The following TRIM16 variants were observed in gnomAD, a reference collection of about 807,000 sequenced individuals.
The protein encoded by TRIM16 is tripartite motif-containing protein 16.
TRIM16 carries 33 observed loss-of-function variants against 50.4 expected under a neutral mutation model. The ratio of observed to expected loss-of-function variants is 0.65; its 90% CI spans 0.50 to 0.88. The LOEUF (loss-of-function observed/expected upper bound fraction) is 0.88, where lower values mean the gene tolerates loss of function less well. Among genes scored for constraint, TRIM16 ranks in the 40% least tolerant of loss-of-function variants. The pLI is 0.00. For synonymous variants in TRIM16, 229 were observed against 270.7 expected (o/e 0.85, Z 1.51); for missense variants, 581 against 686.8 (o/e 0.85, Z 1.72).
intron 6 of TRIM16, among the ~76,000 whole-genome samples, chr17:15,658,144 G>A (rs1485936078): frequency 6.6e-6 from 1 of 152,170 alleles, no homozygotes; most frequent in Non-Finnish European, 1.5e-5. Context: ...CTTTCATCCT[G>A]TTGAGTCTTG....
chr17:15,670,208 A>G (rs190950305), intron 6 of TRIM16, among the ~76,000 whole-genome samples: 230 of 152,300 alleles, frequency 1.5e-3, no homozygotes, highest in Non-Finnish European at 2.9e-3. Context: ...ACCCATTTTC[A>G]TCCAGTAAAT....
chr17:15,635,235 G>T (rs1986672859), intron 9 of TRIM16, among the ~76,000 whole-genome samples: 1 of 147,132 alleles, frequency 6.8e-6, no homozygotes, highest in African/African-American at 2.5e-5. Context: ...TGGGCTTGTT[G>T]ATAAATGAGA....
intron 6 of TRIM16, among the ~76,000 whole-genome samples, chr17:15,655,076 T>C (rs1597641005): frequency 6.6e-6 from 1 of 152,184 alleles, no homozygotes; most frequent in African/African-American, 2.4e-5. Flanking sequence ...TTTAATTTCA[T>C]GGTTTTCATG....
chr17:15,649,081 G>A (rs78206294), intron 7 of TRIM16, among the ~76,000 whole-genome samples: 1 of 152,100 alleles, frequency 6.6e-6, no homozygotes, highest in Non-Finnish European at 1.5e-5. Context: ...GCTTGGAATT[G>A]CAATTACCCC....
chr17:15,643,253 C>T (rs1987199263), intron 7 of TRIM16: 1 of 138,898 alleles, frequency 7.2e-6, no homozygotes, highest in Non-Finnish European at 1.4e-5. Context: ...TAACTTCCTC[C>T]CTTTTGGAAT....
At chr17:15,641,059 C>G (rs1170352139) in intron 8 of TRIM16, among the ~76,000 whole-genome samples, 1 of 148,352 alleles carries the variant, frequency 6.7e-6, no homozygotes, top group Non-Finnish European at 1.5e-5. Flanking sequence ...CCCCCGGCCC[C>G]AACTGAGGCC....
At chr17:15,659,533 T>C (rs1988127311) in intron 6 of TRIM16, among the ~76,000 whole-genome samples, 1 of 152,248 alleles carries the variant, frequency 6.6e-6, no homozygotes, top group Non-Finnish European at 1.5e-5. Context: ...AACTATGCTT[T>C]GTTGAATCTC....
Position 15,682,947 on chromosome 17 carries a change from G to A in TRIM16, c.-772C>T. On this transcript the variant is annotated 5_prime_UTR_variant, in exon 3 of 12. Coordinates refer to ENST00000649191, the MANE Select transcript of TRIM16 (RefSeq NM_001348119.1). Reference sequence around the variant, plus strand: ...TGTGCTGCCCACACACATTTTACAAGGTTGCTGTAAAGAAAAACTAAAATG... The same window carrying A: ...TGTGCTGCCCACACACATTTTACAAAGTTGCTGTAAAGAAAAACTAAAATG... The A allele has an allele frequency of 1.3e-6, 2 of 1,541,642 alleles. No individual in the cohort carries two copies. The highest frequency in any genetic ancestry group is 4.0e-5 in the Admixed American group (2 of 49,692).
Position 15,630,616 on chromosome 17 carries a change from C to A in TRIM16, c.1111+1003G>T, listed in dbSNP as rs151257785. ...TTGAGGCCAATAGTTTGAGACCAGC[C>A]TGGGCAACACAGCAAGGCTCCATCT... On this transcript the variant is annotated intron_variant, in intron 11 of 11. Coordinates refer to ENST00000649191, the MANE Select transcript of TRIM16 (RefSeq NM_001348119.1). 1.5e-3 allele frequency among the ~76,000 whole-genome samples: 227 copies of A among 152,228 alleles called. 3 individuals are homozygous for A. In the East Asian group the frequency reaches 0.043, roughly 29 times the overall value.
chr17:15,630,849 A>G, intron 11 of TRIM16, among the ~76,000 whole-genome samples: 1 of 150,844 alleles, frequency 6.6e-6, no homozygotes, highest in Non-Finnish European at 1.5e-5. Context: ...ATATATGTCT[A>G]CATGTATATA....
At chr17:15,673,597 A>G (rs1041659823) in intron 6 of TRIM16, among the ~76,000 whole-genome samples, 12 of 152,162 alleles carry the variant, frequency 7.9e-5, no homozygotes, top group African/African-American at 2.7e-4. Context: ...ACTGAAATGC[A>G]TCTAAAACAG....
At chr17:15,669,490 G>T (rs1382392743) in intron 6 of TRIM16, among the ~76,000 whole-genome samples, 1 of 152,156 alleles carries the variant, frequency 6.6e-6, no homozygotes, top group Non-Finnish European at 1.5e-5. Context: ...CACAAGCAAA[G>T]AATCTAAAAA....
intron 3 of TRIM16, among the ~76,000 whole-genome samples, chr17:15,682,237 CTTTG>C (rs1989211891): frequency 6.6e-6 from 1 of 152,144 alleles, no homozygotes; most frequent in South Asian, 2.1e-4. Flanking sequence ...TCTTTCTATA[CTTTG>C]TTTTACGAGG....
intron 6 of TRIM16, among the ~76,000 whole-genome samples, chr17:15,660,492 C>T (rs1449616675): frequency 2.6e-5 from 4 of 152,332 alleles, no homozygotes; most frequent in African/African-American, 9.6e-5. Flanking sequence ...CCCTGATTGT[C>T]TGCATGGAGG....
At chr17:15,660,591 C>A (rs1475466491) in intron 6 of TRIM16, among the ~76,000 whole-genome samples, 4 of 152,108 alleles carry the variant, frequency 2.6e-5, no homozygotes, top group South Asian at 4.1e-4. Context: ...AACAAAGCAA[C>A]AAGAATGCTC....
At chr17:15,636,871 A>T (rs1986775726) in intron 8 of TRIM16, among the ~76,000 whole-genome samples, 1 of 149,440 alleles carries the variant, frequency 6.7e-6, no homozygotes, top group South Asian at 2.2e-4. Context: ...TATAAAAGAA[A>T]ACCCATGTGA....
chr17:15,631,503 G>T (rs145812117), intron 11 of TRIM16, 116 bp downstream of exon 11: 9,536 of 905,070 alleles, frequency 0.011, 73 homozygotes, highest in Middle Eastern at 0.032. Flanking sequence ...GTATCATTTA[G>T]AGATAGATAT....
In TRIM16 at chr17:15,636,067, G is replaced by A. The variant is rs564959152; in HGVS notation, c.818C>T (p.Ala273Val). The A allele has an allele frequency of 5.1e-5, 82 of 1,609,872 alleles. 3 individuals carry two copies. In the South Asian group the frequency reaches 7.2e-4, roughly 14 times the overall value. ...EKSKQELERM[A>V]AISNTVQFLE... ...GAACTGGACAGTGTTGCTGATGGCC[G>A]CCATCCTCTCCAGCTCCTGCTTGCT... Residue 273 changes from alanine to valine, a missense_variant, in exon 9 of 12, where the codon GCG becomes GTG. Coordinates refer to ENST00000649191, the MANE Select transcript of TRIM16 (RefSeq NM_001348119.1).
rs558678050 is a variant in TRIM16, at chr17:15,630,841, A to T, written c.1111+778T>A. Among the ~76,000 whole-genome samples, 29 of 150,604 alleles carry T rather than the reference A, an allele frequency of 1.9e-4. 1 individual carries two copies. In the South Asian group the frequency reaches 6.2e-3, roughly 32 times the overall value. On this transcript the variant is annotated intron_variant, in intron 11 of 11. Coordinates refer to ENST00000649191, the MANE Select transcript of TRIM16 (RefSeq NM_001348119.1). ...AAAAAATATACATACATACATATAT[A>T]TATGTCTACATGTATATATATGTAA...
Sources: gnomAD v4.1 joint callset for allele counts (sites outside exome capture counted in the v4.1 genomes callset) on GRCh38, gnomAD v4.1.1 for gene constraint, MANE v1.5 for transcripts, NCBI Gene and HGNC (gene_info 2026-07-23, HGNC 2026-07-21) for gene names.